The following PTPRM variants were observed in gnomAD, a reference collection of about 807,000 sequenced individuals.
PTPRM encodes receptor-type tyrosine-protein phosphatase mu.
In PTPRM, 47 loss-of-function variants were observed where a neutral mutation model predicts 186.7. The observed-to-expected ratio is 0.25, with a 90% CI of 0.20 to 0.32. The LOEUF (loss-of-function observed/expected upper bound fraction) is 0.32, where lower values mean the gene tolerates loss of function less well. PTPRM is among the 10% of genes least tolerant of loss of function. The pLI is 1.00. For synonymous variants in PTPRM, 668 were observed against 674.9 expected (o/e 0.99, Z 0.16); for missense variants, 1,494 against 1,865.0 (o/e 0.80, Z 3.66).
At chr18:7,800,409 C>G (rs577628821) in intron 2 of PTPRM, among the ~76,000 whole-genome samples, 1 of 152,240 alleles carries the variant, frequency 6.6e-6, no homozygotes, top group South Asian at 2.1e-4. Flanking sequence ...ATGGTAAGCT[C>G]TTACTACTCT....
chr18:8,266,633 G>T (rs2094704276), intron 19 of PTPRM, among the ~76,000 whole-genome samples: 1 of 152,158 alleles, frequency 6.6e-6, no homozygotes, highest in Admixed American at 6.5e-5. Context: ...AAATTGGCTG[G>T]ATGCCACGGC....
intron 11 of PTPRM, among the ~76,000 whole-genome samples, chr18:8,112,870 A>T (rs1354708260): frequency 6.6e-6 from 1 of 152,180 alleles, no homozygotes. Flanking sequence ...CTTACTAATC[A>T]CTTGGAACTC....
At chr18:7,907,157 A>C (rs1359549099) in intron 4 of PTPRM, among the ~76,000 whole-genome samples, 1 of 152,236 alleles carries the variant, frequency 6.6e-6, no homozygotes, top group Non-Finnish European at 1.5e-5. Context: ...AACAACTAAC[A>C]GTTTGTCATA....
Position 8,379,218 on chromosome 18 carries a change from C to T in PTPRM, c.3664C>T (p.Leu1222=). 6.2e-7 allele frequency: 1 copy of T among 1,614,022 alleles called. No individual in the cohort carries two copies. Reference sequence around the variant, plus strand: ...GCGAGTAGAGGACTGCAGCATCGCACTGTTGCCCCGGAACCATGAGAAAAA... The same window carrying T: ...GCGAGTAGAGGACTGCAGCATCGCATTGTTGCCCCGGAACCATGAGAAAAA... ...TLRVEDCSIA[L]LPRNHEKNRC... The change falls in exon 28 of 33, where the codon CTG becomes TTG. Residue 1222 remains leucine, a synonymous_variant. Coordinates refer to ENST00000580170, the MANE Select transcript of PTPRM (RefSeq NM_001105244.2).
chr18:7,633,074 G>A (rs1331740667), intron 1 of PTPRM, among the ~76,000 whole-genome samples: 1 of 152,170 alleles, frequency 6.6e-6, no homozygotes, highest in Non-Finnish European at 1.5e-5. Flanking sequence ...ACAATTCTCT[G>A]AAAGCAGGAA....
At chr18:7,845,363 C>T (rs987520618) in intron 2 of PTPRM, among the ~76,000 whole-genome samples, 3 of 152,144 alleles carry the variant, frequency 2.0e-5, no homozygotes, top group African/African-American at 7.2e-5. Flanking sequence ...GAAAACCTGA[C>T]AAATGTCCAC....
At chr18:8,278,760 G>T (rs1028719840) in intron 19 of PTPRM, among the ~76,000 whole-genome samples, 1 of 152,140 alleles carries the variant, frequency 6.6e-6, no homozygotes, top group Admixed American at 6.5e-5. Context: ...GGGTCGCCTT[G>T]GATGCTCTGC....
chr18:8,343,336 T>C, intron 22 of PTPRM, 87 bp from the exon 23 acceptor site: 1 of 1,075,118 alleles, frequency 9.3e-7, no homozygotes. Context: ...TGCATGTGGG[T>C]ATTAATAGAT....
chr18:7,879,666 A>G (rs2048405215), intron 2 of PTPRM, among the ~76,000 whole-genome samples: 1 of 152,178 alleles, frequency 6.6e-6, no homozygotes, highest in South Asian at 2.1e-4. Flanking sequence ...ATTTAATATA[A>G]ATGTCTTAAA....
In PTPRM at chr18:7,609,670, C is replaced by T. The variant is rs192453673; in HGVS notation, c.73+41779C>T. 4.4e-3 allele frequency among the ~76,000 whole-genome samples: 665 copies of T among 152,260 alleles called. 25 individuals carry two copies. Among genetic ancestry groups the T allele is most frequent in the Admixed American group, 0.039 (589 of 15,296 alleles). ...CTGGTGTGGTTCCCAGGCATGCCTG[C>T]AGTTGAGGGCAAGACAGTTTCTGAT... On this transcript the variant is annotated intron_variant, in intron 1 of 32. Coordinates refer to ENST00000580170, the MANE Select transcript of PTPRM (RefSeq NM_001105244.2).
chr18:8,001,462 G>C (rs2083868338), intron 7 of PTPRM, among the ~76,000 whole-genome samples: 1 of 152,110 alleles, frequency 6.6e-6, no homozygotes, highest in Non-Finnish European at 1.5e-5. Context: ...TCGAAAGGTG[G>C]AGCTGCTGAG....
chr18:7,583,070 G>A (rs1419021499), intron 1 of PTPRM, among the ~76,000 whole-genome samples: 1 of 152,190 alleles, frequency 6.6e-6, no homozygotes, highest in Admixed American at 6.5e-5. Context: ...GGAGCCCTAT[G>A]ACTACAGAAT....
At chr18:8,217,263 T>G (rs1601288130) in intron 14 of PTPRM, among the ~76,000 whole-genome samples, 1 of 140,814 alleles carries the variant, frequency 7.1e-6, no homozygotes, top group East Asian at 2.9e-4. Context: ...TGGCAGTGAC[T>G]AATGAAGTCT....
At chr18:7,647,007 A>G (rs1040103781) in intron 1 of PTPRM, among the ~76,000 whole-genome samples, 2 of 152,074 alleles carry the variant, frequency 1.3e-5, no homozygotes, top group East Asian at 1.9e-4. Context: ...ATTTTTTGCC[A>G]TGTGTCTTAG....
At chr18:7,705,365 C>G (rs576031840) in intron 1 of PTPRM, among the ~76,000 whole-genome samples, 1 of 151,632 alleles carries the variant, frequency 6.6e-6, no homozygotes, top group African/African-American at 2.4e-5. Context: ...CTTTCTGTCT[C>G]TCTCTCTCTA....
intron 31 of PTPRM, among the ~76,000 whole-genome samples, chr18:8,393,448 A>G (rs939994092): frequency 6.6e-6 from 1 of 152,228 alleles, no homozygotes; most frequent in Non-Finnish European, 1.5e-5. Context: ...AAAAGTGTCA[A>G]GGTCAGGAAA....
At chr18:8,185,029 A>T (rs2093624156) in intron 14 of PTPRM, among the ~76,000 whole-genome samples, 1 of 152,182 alleles carries the variant, frequency 6.6e-6, no homozygotes, top group Non-Finnish European at 1.5e-5. Context: ...TTTTAAGAGT[A>T]ATAAGTTAGT....
chr18:8,094,124 T>G (rs2090897339), intron 11 of PTPRM, among the ~76,000 whole-genome samples: 1 of 152,200 alleles, frequency 6.6e-6, no homozygotes, highest in African/African-American at 2.4e-5. Context: ...TTTATCCCTT[T>G]ATAGTATTTT....
At chr18:8,400,656 C>G (rs1393058946) in intron 32 of PTPRM, among the ~76,000 whole-genome samples, 3 of 152,190 alleles carry the variant, frequency 2.0e-5, no homozygotes, top group African/African-American at 7.2e-5. Flanking sequence ...TCCTGATCTG[C>G]GGATCTGCCG....
Sources: allele counts gnomAD v4.1 joint callset (sites outside exome capture counted in the v4.1 genomes callset), GRCh38; gene constraint gnomAD v4.1.1; transcripts MANE v1.5; gene names NCBI Gene and HGNC (gene_info 2026-07-23, HGNC 2026-07-21).